The following EPG5 variants were observed in gnomAD, a reference collection of about 807,000 sequenced individuals.
EPG5 encodes the protein ectopic P granules protein 5 homolog.
Under a neutral mutation model 302.7 loss-of-function variants are expected in EPG5, and 159 were observed. The observed-to-expected ratio is 0.53, with a 90% CI of 0.46 to 0.60. The LOEUF (loss-of-function observed/expected upper bound fraction) is 0.60, where lower values mean the gene tolerates loss of function less well. Among genes scored for constraint, EPG5 ranks in the 20% least tolerant of loss-of-function variants. EPG5 has a pLI of 0.00. For synonymous variants in EPG5, 1,158 were observed against 1,136.8 expected, an observed-to-expected ratio of 1.02 and a Z score of -0.37; for missense variants, 2,896 against 3,092.4, an observed-to-expected ratio of 0.94 and a Z score of 1.51.
intron 11 of EPG5, 116 bp from the exon 12 acceptor site, chr18:45,930,946 T>C: frequency 2.0e-6 from 2 of 1,025,106 alleles, no homozygotes; most frequent in South Asian, 4.2e-5. Flanking sequence ...TCTTTCTTTG[T>C]TCCAAAATAG....
At chr18:45,837,911 G>A in the EPG5 span, 1 of 1,484,350 alleles carries the variant, frequency 6.7e-7, no homozygotes, top group Non-Finnish European at 8.9e-7. Flanking sequence ...GGCGGCGTGG[G>A]AGCGGGTCCC....
the EPG5 span, chr18:45,829,270 G>C: frequency 1.8e-6 from 1 of 554,124 alleles, no homozygotes; most frequent in Non-Finnish European, 2.3e-6. Flanking sequence ...AGCAGATAGA[G>C]ACCAGCTGGC....
rs576122918 is a variant in EPG5 at position 45,956,156 on chromosome 18, T to C, written c.64-818A>G. Among the ~76,000 whole-genome samples the C allele has an allele frequency of 9.2e-5, 14 of 152,332 alleles. No homozygotes were observed. The East Asian group carries it at 1.9e-3, about 21-fold the overall frequency. On this transcript the variant is annotated intron_variant, in intron 1 of 43. Transcript: ENST00000282041. ...ATGATCAAAGTTACATCACCAGTAATACTGACATCAGATAACCCAATAGGA... is the reference window on the plus strand; with the variant it reads ...ATGATCAAAGTTACATCACCAGTAACACTGACATCAGATAACCCAATAGGA...
At position 45,911,110 on chromosome 18, in the gene EPG5, CAT is replaced by C. The variant is rs71373730; in HGVS notation, c.3984-370_3984-369del. Among the ~76,000 whole-genome samples, 102 of 127,966 alleles carry C rather than the reference CAT, an allele frequency of 8.0e-4. 2 individuals carry two copies. In the South Asian group the frequency reaches 0.014, roughly 18 times the overall value. 84.0% of individuals were successfully genotyped at this position (127,966 alleles called of 152,430 possible). A position where few individuals can be genotyped will look rare whatever the true frequency, so the allele number is the denominator to read the frequency against. ...ACACACACACACACACACACACACA[CAT>C]ATATATATATATATACATTTTTTTT... On this transcript the variant is annotated intron_variant, in intron 22 of 43. Transcript: ENST00000282041.
chr18:45,859,968 A>G (rs2048597693), intron 40 of EPG5, 136 bp downstream of exon 40: 2 of 1,158,182 alleles, frequency 1.7e-6, no homozygotes, highest in East Asian at 4.7e-5. Flanking sequence ...AGAAACATCC[A>G]CAACATTTGT....
chr18:45,911,641 T>G (rs2049905285), intron 22 of EPG5, among the ~76,000 whole-genome samples: 1 of 152,042 alleles, frequency 6.6e-6, no homozygotes, highest in African/African-American at 2.4e-5. Flanking sequence ...TTCACCATGT[T>G]GGCCAGGCTT....
In EPG5 at chr18:45,852,613, GCTTA is replaced by G; in HGVS notation, c.7590_7593del (p.Lys2531SerfsTer16). Reference sequence around the variant, plus strand: ...ATTTGATCCTGGTATTCAACATACTGCTTACTTGATGCCATGGATTCAAGAGCAT... The same window carrying G: ...ATTTGATCCTGGTATTCAACATACTGCTTGATGCCATGGATTCAAGAGCAT... On this transcript the variant is annotated frameshift_variant, in exon 44 of 44. Transcript: ENST00000282041. LOFTEE classifies it high-confidence loss of function. 6.2e-7 allele frequency: 1 copy of G among 1,614,152 alleles called. No homozygotes were observed. The highest frequency in any genetic ancestry group is 8.5e-7 in the Non-Finnish European group (1 of 1,180,016).
chr18:45,887,154 A>T (rs1035317029), intron 29 of EPG5, among the ~76,000 whole-genome samples: 1 of 152,224 alleles, frequency 6.6e-6, no homozygotes, highest in African/African-American at 2.4e-5. Flanking sequence ...AACATTTCAT[A>T]AATCTGTATG....
the EPG5 span, chr18:45,837,415 T>G: frequency 7.3e-7 from 1 of 1,375,478 alleles, no homozygotes; most frequent in Non-Finnish European, 9.4e-7. Flanking sequence ...AGGCTAGGGG[T>G]TGGGGGAGCG....
chr18:45,826,354 G>A, the EPG5 span, among the ~76,000 whole-genome samples: 6 of 152,116 alleles, frequency 3.9e-5, no homozygotes, highest in African/African-American at 1.4e-4. Flanking sequence ...TGGTATCCTG[G>A]GAACAGTGTT....
intron 29 of EPG5, 49 bp downstream of exon 29, chr18:45,887,702 C>A: frequency 1.4e-6 from 2 of 1,413,418 alleles, no homozygotes; most frequent in South Asian, 1.6e-5. Flanking sequence ...AAGACAGACA[C>A]CGCAGAGACT....
At chr18:45,887,713 CAT>C (rs780796448) in intron 29 of EPG5, 36 bp downstream of exon 29, 55 of 1,466,670 alleles carry the variant, frequency 3.7e-5, no homozygotes, top group Non-Finnish European at 4.9e-5. Context: ...CGCAGAGACT[CAT>C]TATCTGATCA....
Position 45,884,651 on chromosome 18 carries a change from T to C in EPG5, c.5270A>G (p.Asp1757Gly). Residue 1757 changes from aspartate (D) to glycine (G), a missense_variant, in exon 30 of 44, where the codon GAC (aspartate) becomes GGC (glycine). This residue lies in a region of EPG5 where 790 missense variants were observed against 798.0 expected (regional missense o/e 0.99). Transcript: ENST00000282041. ...YEQVVKFLSE[D>G]NSDMIFMLLT... ...CAGCATGAAAATCATATCACTGTTG[T>C]CCTCACTTAGAAACTTCACCACTTG... 6.2e-7 allele frequency: 1 copy of C among 1,608,894 alleles called. No individual in the cohort carries two copies. Among genetic ancestry groups the C allele is most frequent in the Non-Finnish European group, 8.5e-7 (1 of 1,178,496 alleles).
chr18:45,847,305 C>G (rs531754660), downstream of EPG5, among the ~76,000 whole-genome samples: 5 of 152,294 alleles, frequency 3.3e-5, no homozygotes, highest in African/African-American at 1.2e-4. Context: ...GCCAGAAGCA[C>G]CCCCACTCCC....
rs2050379363 is a variant in EPG5 at position 45,930,690 on chromosome 18, G to C, written c.2398C>G (p.Leu800Val). The change falls in exon 12 of 44, where the codon CTG becomes GTG. Residue 800 changes from leucine to valine, a missense_variant. By Grantham distance (32) the Leu-to-Val change is conservative. This residue lies in a region of EPG5 where 1,390 missense variants were observed against 1,430.0 expected (regional missense o/e 0.97). Transcript: ENST00000282041. ...VDEDFIKIIV[L>V]EIYEVSYVTL... ...CATATTCTAACCTCATATATCTCCA[G>C]AACAATAATTTTTATGAAGTCTTCG... 1 of 1,592,740 alleles carries C rather than the reference G, an allele frequency of 6.3e-7. No homozygotes were observed.
chr18:45,887,990 T>C (rs2049255287), intron 28 of EPG5, 83 bp from the exon 29 acceptor site: 2 of 1,095,648 alleles, frequency 1.8e-6, no homozygotes, highest in Non-Finnish European at 2.5e-6. Context: ...CTACAATTTC[T>C]CAGGCAATAT....
the EPG5 span, among the ~76,000 whole-genome samples, chr18:45,836,519 C>G: frequency 6.6e-6 from 1 of 152,176 alleles, no homozygotes; most frequent in Non-Finnish European, 1.5e-5. Context: ...ACATAGGCAA[C>G]CACACACACC....
intron 27 of EPG5, chr18:45,890,277 A>G (rs2049313039): frequency 5.7e-6 from 1 of 176,958 alleles, no homozygotes; most frequent in Admixed American, 6.2e-5. Context: ...TCAATCCAAC[A>G]TACAAAACAC....
chr18:45,877,118 T>TGGGCAC (rs2048987837), intron 34 of EPG5, among the ~76,000 whole-genome samples: 1 of 152,030 alleles, frequency 6.6e-6, no homozygotes, highest in Admixed American at 6.6e-5. Flanking sequence ...TTTAATTGGC[T>TGGGCAC]GGGCACGGGA....
Sources: gnomAD v4.1 joint callset for allele counts (sites outside exome capture counted in the v4.1 genomes callset) on GRCh38, gnomAD v4.1.1 for gene constraint, gnomAD v4.1.1 regional missense constraint, MANE v1.5 for transcripts, NCBI Gene and HGNC (gene_info 2026-07-23, HGNC 2026-07-21) for gene names.